The following CSN2 variants were observed in gnomAD, a reference collection of about 807,000 sequenced individuals.
CSN2 encodes the protein casein beta.
A neutral mutation model predicts 27.3 loss-of-function variants in CSN2; 27 were observed. The ratio of observed to expected loss-of-function variants is 0.99; its 90% CI spans 0.73 to 1.36. The LOEUF (loss-of-function observed/expected upper bound fraction) is 1.36, where lower values mean the gene tolerates loss of function less well. Among genes scored for constraint, CSN2 ranks in the 40% most tolerant of loss-of-function variants. The probability of loss-of-function intolerance (pLI) is 0.00; values close to 1 mark genes in which losing one functional copy is unlikely to be tolerated. For missense variants in CSN2, 333 were observed against 264.5 expected (o/e 1.26, Z -1.80); for synonymous variants, 131 against 94.8 (o/e 1.38, Z -2.22).
chr4:69,961,559 T>A lies in CSN2; in HGVS notation c.-12-552A>T, dbSNP rs982797406. Among the ~76,000 whole-genome samples the A allele has an allele frequency of 2.0e-5, 3 of 152,014 alleles. No homozygotes were observed. In the South Asian group the frequency reaches 6.2e-4, roughly 31 times the overall value. ...ACTTCATGCTAAAAACTCTCAATAATTTAGGTATTGATGGGACATATCTCA... is the reference window on the plus strand; with the variant it reads ...ACTTCATGCTAAAAACTCTCAATAAATTAGGTATTGATGGGACATATCTCA... On this transcript the variant is annotated intron_variant, in intron 1 of 7. Transcript: ENST00000353151.
intron 1 of CSN2, among the ~76,000 whole-genome samples, chr4:69,961,991 A>T (rs1723607796): frequency 6.6e-6 from 1 of 152,206 alleles, no homozygotes; most frequent in Admixed American, 6.5e-5. Flanking sequence ...AAATTGCTTC[A>T]AAGAGAATAA....
At chr4:69,963,684 T>C (rs930405584) in intron 1 of CSN2, among the ~76,000 whole-genome samples, 2 of 152,148 alleles carry the variant, frequency 1.3e-5, no homozygotes, top group Non-Finnish European at 1.5e-5. Flanking sequence ...CATGTATACA[T>C]ATGTAACAAA....
chr4:69,956,496 C>T (rs1011222873), intron 6 of CSN2, 141 bp from the exon 7 acceptor site: 3 of 549,220 alleles, frequency 5.5e-6, no homozygotes, highest in African/African-American at 4.0e-5. Flanking sequence ...TGAAGTAAGG[C>T]TTGTGTAAAA....
At chr4:69,961,044 G>C in intron 1 of CSN2, 37 bp from the exon 2 acceptor site, 1 of 1,466,480 alleles carries the variant, frequency 6.8e-7, no homozygotes, top group Non-Finnish European at 9.5e-7. Context: ...TGGAAGATTG[G>C]TCAATTGGAT....
intron 1 of CSN2, among the ~76,000 whole-genome samples, chr4:69,963,509 T>C (rs1304745597): frequency 6.6e-6 from 1 of 152,026 alleles, no homozygotes; most frequent in Non-Finnish European, 1.5e-5. Flanking sequence ...ACACCACATG[T>C]TCTCACTCAT....
At position 69,960,931 on chromosome 4, in the gene CSN2, T is replaced by C; in HGVS notation, c.51+14A>G. The C allele has an allele frequency of 1.2e-6, 2 of 1,611,704 alleles. No individual in the cohort carries two copies. The highest frequency in any genetic ancestry group is 1.1e-5 in the South Asian group (1 of 90,964). ...ATTTATTGATTGTTTAGGAATTTTTTCTTGTGCACATACCTCCCTTGCAAG... is the reference window on the plus strand; with the variant it reads ...ATTTATTGATTGTTTAGGAATTTTTCCTTGTGCACATACCTCCCTTGCAAG... On this transcript the variant is annotated intron_variant, in intron 2 of 7. Transcript: ENST00000353151.
rs138025837 is a variant in CSN2, at chr4:69,959,645, C to T, written c.78+408G>A. Among the ~76,000 whole-genome samples, 239 of 152,040 alleles carry T rather than the reference C, an allele frequency of 1.6e-3. 3 individuals are homozygous for T. Among genetic ancestry groups the T allele is most frequent in the African/African-American group, 5.5e-3 (229 of 41,528 alleles). On this transcript the variant is annotated intron_variant, in intron 3 of 7. Coordinates refer to ENST00000353151, the MANE Select transcript of CSN2 (RefSeq NM_001891.4). ...AATTATAAAATGTGTCCTTTTTGCA[C>T]GTCTGCCTACCTACTACTTAGCAAG...
intron 3 of CSN2, 130 bp downstream of exon 3, chr4:69,959,923 A>C (rs1723516309): frequency 1.4e-6 from 1 of 710,512 alleles, no homozygotes; most frequent in African/African-American, 1.8e-5. Flanking sequence ...TTAAACACAC[A>C]TAAAAGAAAT....
chr4:69,959,950 A>G (rs1723517808), intron 3 of CSN2, 103 bp downstream of exon 3: 16 of 962,168 alleles, frequency 1.7e-5, no homozygotes, highest in Non-Finnish European at 2.3e-5. Context: ...TAGAACTTAT[A>G]TGTCATTAAC....
chr4:69,965,213 A>G (rs149093929), intron 1 of CSN2, among the ~76,000 whole-genome samples: 248 of 150,960 alleles, frequency 1.6e-3, no homozygotes, highest in African/African-American at 5.7e-3. Context: ...CCCCCATACC[A>G]TTCCCTCCAT....
rs996343224 is a variant in CSN2, at chr4:69,963,892, G to T, written c.-13+1789C>A. Among the ~76,000 whole-genome samples the T allele has an allele frequency of 3.9e-5, 6 of 152,120 alleles. No individual in the cohort carries two copies. In the South Asian group the frequency reaches 1.0e-3, roughly 26 times the overall value. ...AGTCCTGATATTACTCCCTCATGGAGCCTCAGTTCTACTGGAAGAGACTGA... is the reference window on the plus strand; with the variant it reads ...AGTCCTGATATTACTCCCTCATGGATCCTCAGTTCTACTGGAAGAGACTGA... On this transcript the variant is annotated intron_variant, in intron 1 of 7. Coordinates refer to ENST00000353151, the MANE Select transcript of CSN2 (RefSeq NM_001891.4).
intron 1 of CSN2, among the ~76,000 whole-genome samples, chr4:69,965,235 G>C (rs1049310130): frequency 6.6e-6 from 1 of 151,010 alleles, no homozygotes; most frequent in Non-Finnish European, 1.5e-5. Flanking sequence ...TCTCAACTCA[G>C]TATGCTACTG....
At position 69,955,512 on chromosome 4, in the gene CSN2, T is replaced by A. The variant is rs953909857; in HGVS notation, c.*117A>T. 1 of 152,508 alleles carries A rather than the reference T, an allele frequency of 6.6e-6. No individual in the cohort carries two copies. The highest frequency in any genetic ancestry group is 2.4e-5 in the African/African-American group (1 of 41,452). 9.4% of individuals were successfully genotyped at this position (152,508 alleles called of 1,614,324 possible). ...AGGGACAAAGTTCATTTTTTCCATATAAACTCATTCAAACATACTTAATTT... is the reference window on the plus strand; with the variant it reads ...AGGGACAAAGTTCATTTTTTCCATAAAAACTCATTCAAACATACTTAATTT... On this transcript the variant is annotated 3_prime_UTR_variant, in exon 8 of 8. Transcript: ENST00000353151.
intron 5 of CSN2, 37 bp from the exon 6 acceptor site, chr4:69,957,841 T>C (rs765154009): frequency 1.3e-6 from 2 of 1,536,166 alleles, no homozygotes; most frequent in Admixed American, 1.8e-5. Context: ...AGTCCTTGAT[T>C]AAGCTATAAT....
In CSN2 at chr4:69,959,085, A is replaced by G. The variant is rs1330196546; in HGVS notation, c.79-16T>C. On this transcript the variant is annotated splice_polypyrimidine_tract_variant and intron_variant, in intron 3 of 7. Coordinates refer to ENST00000353151, the MANE Select transcript of CSN2 (RefSeq NM_001891.4). ...TAATAGATTCCTACAGAAAAATATA[A>G]AATAAAATTAGGTTTAGTTTTAACA... 3.8e-6 allele frequency: 5 copies of G among 1,317,560 alleles called. No individual in the cohort carries two copies. The highest frequency in any genetic ancestry group is 5.2e-6 in the Non-Finnish European group (5 of 953,656). The allele number at this position is 1,317,560 out of a possible 1,614,324, so 81.6% of individuals were successfully genotyped here.
chr4:69,965,416 A>C (rs1355260147), intron 1 of CSN2, among the ~76,000 whole-genome samples: 4 of 110,220 alleles, frequency 3.6e-5, no homozygotes, highest in African/African-American at 1.2e-4. Context: ...TACTATATAT[A>C]TATATATATA....
chr4:69,962,991 A>G (rs1219422248), intron 1 of CSN2, among the ~76,000 whole-genome samples: 1 of 152,204 alleles, frequency 6.6e-6, no homozygotes, highest in African/African-American at 2.4e-5. Context: ...AAAAATGCTC[A>G]TCATCACTGG....
Position 69,962,514 on chromosome 4 carries a change from G to A in CSN2, c.-12-1507C>T, listed in dbSNP as rs189420404. On this transcript the variant is annotated intron_variant, in intron 1 of 7. Coordinates refer to ENST00000353151, the MANE Select transcript of CSN2 (RefSeq NM_001891.4). ...ATTCCCTATTTAATAAATGGTGCTG[G>A]GAAAACTGGCTAGCCATATGTAGAA... Among the ~76,000 whole-genome samples, 745 of 152,064 alleles carry A rather than the reference G, an allele frequency of 4.9e-3. 6 individuals are homozygous for A. Among genetic ancestry groups the A allele is most frequent in the Non-Finnish European group, 7.2e-3 (489 of 67,928 alleles).
At chr4:69,964,711 C>A (rs1723738805) in intron 1 of CSN2, among the ~76,000 whole-genome samples, 1 of 150,392 alleles carries the variant, frequency 6.6e-6, no homozygotes, top group Middle Eastern at 3.4e-3. Flanking sequence ...ACAGCATTTT[C>A]TATATTTTAT....
Sources: gnomAD v4.1 joint callset for allele counts (sites outside exome capture counted in the v4.1 genomes callset) on GRCh38, gnomAD v4.1.1 for gene constraint, MANE v1.5 for transcripts, NCBI Gene and HGNC (gene_info 2026-07-23, HGNC 2026-07-21) for gene names.